The following IGFN1 variants were observed in gnomAD, a reference collection of about 807,000 sequenced individuals.
IGFN1 encodes the protein immunoglobulin-like and fibronectin type III domain-containing protein 1.
In IGFN1, 253 loss-of-function variants were observed where a neutral mutation model predicts 289.5. That is an observed-to-expected ratio of 0.87 (90% CI 0.79 to 0.97). The LOEUF is 0.97. Among genes scored for constraint, IGFN1 ranks in the 50% least tolerant of loss-of-function variants. IGFN1 has a pLI of 0.00. For synonymous variants in IGFN1, 1,706 were observed against 1,788.5 expected (o/e 0.95, Z 1.16); for missense variants, 4,470 against 4,686.1 (o/e 0.95, Z 1.35).
intron 19 of IGFN1, 106 bp downstream of exon 19, chr1:201,221,852 G>C (rs2102367433): frequency 2.2e-6 from 2 of 927,202 alleles, no homozygotes; most frequent in Non-Finnish European, 3.2e-6. Context: ...CCCACCCTCA[G>C]TTTCAGGAAG....
chr1:201,203,865 T>A lies in IGFN1; in HGVS notation c.875T>A (p.Val292Glu). The change falls in exon 10 of 24, where the codon GTG (valine) becomes GAG (glutamate). Residue 292 changes from valine to glutamate, a missense_variant. This residue lies in a region of IGFN1 where 2,011 missense variants were observed against 1,953.4 expected (regional missense o/e 1.03). Transcript: ENST00000335211. ...PEDSGIYQVK[V>E]EDAVVFSTEL... is the part of the protein sequence containing the mutation. ...GACTCTGGCATTTACCAGGTCAAGG[T>A]GGAGGATGCTGTGGTCTTCTCCACA... 1 of 1,551,522 alleles carries A rather than the reference T, an allele frequency of 6.4e-7. No homozygotes were observed. The highest frequency in any genetic ancestry group is 8.7e-7 in the Non-Finnish European group (1 of 1,146,962).
chr1:201,212,490 G>T lies in IGFN1; in HGVS notation c.7597G>T (p.Ala2533Ser). Residue 2533 changes from alanine (A) to serine (S), a missense_variant, in exon 12 of 24, where the codon GCA becomes TCA. Physicochemically the swap from Ala to Ser is moderately conservative, Grantham distance 99 (BLOSUM62 1). Around this residue, in one of 8 missense-constraint regions of IGFN1, gnomAD observed 2,218 missense variants for 2,114.1 expected, o/e 1.05. Transcript: ENST00000335211. ...TTCTGGGTTTCTTGATGGCAAGGGG[G>T]CAGTGGAAGGTGAGACCTGGGCAGG... ...GASGFLDGKG[A>S]VEGETWAGMA... 6.5e-7 allele frequency: 1 copy of T among 1,541,868 alleles called. No individual in the cohort carries two copies. Among genetic ancestry groups the T allele is most frequent in the South Asian group, 1.2e-5 (1 of 84,064 alleles).
At position 201,228,506 on chromosome 1, in the gene IGFN1, G is replaced by A. The variant is rs1294282862; in HGVS notation, c.*107G>A. Reference sequence around the variant, plus strand: ...GATGGAGGCTGTGCCCAGAGCCCCAGGAAAATGGGAGTGAGAAGATGCCTG... The same window carrying A: ...GATGGAGGCTGTGCCCAGAGCCCCAAGAAAATGGGAGTGAGAAGATGCCTG... On this transcript the variant is annotated 3_prime_UTR_variant, in exon 24 of 24. Transcript: ENST00000335211. 8.1e-7 allele frequency: 1 copy of A among 1,236,286 alleles called. No homozygotes were observed. Among genetic ancestry groups the A allele is most frequent in the Non-Finnish European group, 1.2e-6 (1 of 837,246 alleles). The allele number at this position is 1,236,286 out of a possible 1,614,324, so 76.6% of individuals were successfully genotyped here. A position where few individuals can be genotyped will look rare whatever the true frequency, so the allele number is the denominator to read the frequency against.
chr1:201,193,703 C>T (rs1016338690), intron 2 of IGFN1, among the ~76,000 whole-genome samples: 3 of 152,290 alleles, frequency 2.0e-5, no homozygotes, highest in East Asian at 1.9e-4. Flanking sequence ...CTGCCCACCT[C>T]GGCCTCCGAA....
At chr1:201,193,394 G>A (rs903787490) in intron 2 of IGFN1, 94 bp downstream of exon 2, 2 of 848,168 alleles carry the variant, frequency 2.4e-6, no homozygotes, top group Admixed American at 5.4e-5. Flanking sequence ...AGATTTCTGG[G>A]AACTTGCCCA....
chr1:201,206,387 C>T lies in IGFN1; in HGVS notation c.1494C>T (p.Ser498=). The stretch of plus-strand genomic sequence containing the variant: ...AGGGCTTTCCAGTAGCAGAGGGAAG[C>T]AGAGCCACTCTTCCCAGGGAAAATC... ...EGEGFPVAEG[S]RATLPRENQS... The change falls in exon 12 of 24, where the codon AGC becomes AGT. Residue 498 remains serine, a synonymous_variant. Transcript: ENST00000335211. 6.4e-7 allele frequency: 1 copy of T among 1,550,712 alleles called. No homozygotes were observed. The highest frequency in any genetic ancestry group is 8.7e-7 in the Non-Finnish European group (1 of 1,146,992).
chr1:201,215,652 G>C lies in IGFN1; in HGVS notation c.9109G>C (p.Ala3037Pro). The C allele has an allele frequency of 6.2e-7, 1 of 1,614,052 alleles. No individual in the cohort carries two copies. The highest frequency in any genetic ancestry group is 8.5e-7 in the Non-Finnish European group (1 of 1,180,000). Reference protein sequence around the residue: ...IPFQSHLPIQAAWRKDGAEVV... With the variant: ...IPFQSHLPIQPAWRKDGAEVV... ...CTTCCAGAGCCACCTCCCCATTCAG[G>C]CTGCCTGGAGGAAGGACGGGGCTGA... is the stretch of plus-strand genomic sequence containing the variant. Residue 3037 changes from alanine to proline, a missense_variant, in exon 15 of 24, where the codon GCT (alanine) becomes CCT (proline). Ala to Pro is a conservative substitution (Grantham distance 27). Coordinates refer to ENST00000335211, the MANE Select transcript of IGFN1 (RefSeq NM_001164586.2).
rs1667724614 is a variant in IGFN1 at position 201,210,824 on chromosome 1, G to A, written c.5931G>A (p.Lys1977=). Residue 1977 remains lysine (K), a synonymous_variant, in exon 12 of 24, where the codon AAG becomes AAA. Transcript: ENST00000335211. The stretch of plus-strand genomic sequence containing the variant: ...CTAAGGGAATGGGTTCAGGGAGTAA[G>A]GAAGGTTTCAGGGATGGTTTAGGGG... ...GAPKGMGSGS[K]EGFRDGLGGS... is the part of the protein sequence containing the mutation. 12 of 1,534,756 alleles carry A rather than the reference G, an allele frequency of 7.8e-6. No homozygotes were observed. Among genetic ancestry groups the A allele is most frequent in the Non-Finnish European group, 7.0e-6 (8 of 1,146,292 alleles).
At chr1:201,203,707 G>C (rs1667263338) in intron 9 of IGFN1, 31 bp from the exon 10 acceptor site, 1 of 1,548,818 alleles carries the variant, frequency 6.5e-7, no homozygotes, top group Non-Finnish European at 8.7e-7. Flanking sequence ...GACCCACTGA[G>C]GCCCGCCTCC....
chr1:201,208,187 G>C lies in IGFN1; in HGVS notation c.3294G>C (p.Glu1098Asp). ...RGGLKAPGVVETVGMGCVEAE... is the reference protein window; with the variant it reads ...RGGLKAPGVVDTVGMGCVEAE... ...GTCTCAAGGCCCCTGGAGTAGTGGA[G>C]ACTGTTGGGATGGGATGTGTGGAAG... The change falls in exon 12 of 24, where the codon GAG becomes GAC. Residue 1098 changes from glutamate (E) to aspartate (D), a missense_variant. Glu to Asp is a conservative substitution (Grantham distance 45, BLOSUM62 2). This residue lies in a region of IGFN1 where 2,011 missense variants were observed against 1,953.4 expected (regional missense o/e 1.03). Transcript: ENST00000335211. 1 of 1,536,994 alleles carries C rather than the reference G, an allele frequency of 6.5e-7. No homozygotes were observed. Among genetic ancestry groups the C allele is most frequent in the Non-Finnish European group, 8.7e-7 (1 of 1,146,830 alleles).
At chr1:201,204,592 A>G (rs1667316644) in intron 10 of IGFN1, among the ~76,000 whole-genome samples, 1 of 152,230 alleles carries the variant, frequency 6.6e-6, no homozygotes, top group South Asian at 2.1e-4. Flanking sequence ...GGAAAGCCTG[A>G]AAACAGTGCA....
chr1:201,226,818 C>T (rs545048290), intron 22 of IGFN1, 64 bp from the exon 23 acceptor site: 67 of 1,279,028 alleles, frequency 5.2e-5, no homozygotes, highest in Non-Finnish European at 6.6e-5. Context: ...TTACCCAGAC[C>T]CGGGTCTCAG....
intron 7 of IGFN1, 121 bp downstream of exon 7, chr1:201,199,775 G>A: frequency 2.6e-6 from 2 of 777,334 alleles, no homozygotes; most frequent in South Asian, 1.8e-5. Context: ...GAGCTAGACT[G>A]CCAGTAGCAG....
chr1:201,204,539 G>A (rs940858953), intron 10 of IGFN1, among the ~76,000 whole-genome samples: 2 of 152,192 alleles, frequency 1.3e-5, no homozygotes, highest in Admixed American at 6.5e-5. Context: ...GAAAAAAGGG[G>A]GTTATGTGCC....
In IGFN1 at chr1:201,207,727, T is replaced by G. The variant is rs1011489417; in HGVS notation, c.2834T>G (p.Leu945Trp). The G allele has an allele frequency of 2.6e-6, 4 of 1,536,818 alleles. No homozygotes were observed. The highest frequency in any genetic ancestry group is 2.6e-6 in the Non-Finnish European group (3 of 1,146,840). ...PRGETGYKDG[L>W]EGPGRMESRY... ...GGTGAGACAGGCTATAAGGATGGCTTGGAAGGTCCCGGGAGAATGGAATCT... is the reference window on the plus strand; with the variant it reads ...GGTGAGACAGGCTATAAGGATGGCTGGGAAGGTCCCGGGAGAATGGAATCT... Residue 945 changes from leucine (L) to tryptophan (W), a missense_variant, in exon 12 of 24, where the codon TTG becomes TGG. Around this residue, in one of 8 missense-constraint regions of IGFN1, gnomAD observed 2,011 missense variants for 1,953.4 expected, o/e 1.03. Transcript: ENST00000335211.
rs554533646 is a variant in IGFN1 at position 201,207,412 on chromosome 1, G to C, written c.2519G>C (p.Trp840Ser). 3.3e-6 allele frequency: 5 copies of C among 1,533,980 alleles called. No homozygotes were observed. The South Asian group carries it at 6.0e-5, about 18-fold the overall frequency. ...GRIESKGTSP[W>S]DDTPSSLRKT... ...ATAGAATCTAAGGGCACAAGTCCTT[G>C]GGATGACACACCATCTAGCCTCAGA... The change falls in exon 12 of 24, where the codon TGG becomes TCG. Residue 840 changes from tryptophan (W) to serine (S), a missense_variant. This residue lies in a region of IGFN1 where 2,011 missense variants were observed against 1,953.4 expected (regional missense o/e 1.03). Coordinates refer to ENST00000335211, the MANE Select transcript of IGFN1 (RefSeq NM_001164586.2).
rs1183878259 is a variant in IGFN1 at position 201,208,703 on chromosome 1, T to C, written c.3810T>C (p.Cys1270=). The change falls in exon 12 of 24, where the codon TGT becomes TGC. Residue 1270 remains cysteine, a synonymous_variant. Coordinates refer to ENST00000335211, the MANE Select transcript of IGFN1 (RefSeq NM_001164586.2). ...QGMGSADGPG[C]RKGIGSSGEM... ...TGGGATCAGCAGATGGGCCAGGTTGTAGGAAGGGTATTGGGAGTTCTGGGG... is the reference window on the plus strand; with the variant it reads ...TGGGATCAGCAGATGGGCCAGGTTGCAGGAAGGGTATTGGGAGTTCTGGGG... 2.0e-6 allele frequency: 3 copies of C among 1,536,824 alleles called. No individual in the cohort carries two copies. Among genetic ancestry groups the C allele is most frequent in the Non-Finnish European group, 2.6e-6 (3 of 1,146,754 alleles).
Position 201,201,790 on chromosome 1 carries a change from G to C in IGFN1, c.705G>C (p.Glu235Asp), listed in dbSNP as rs1191456730. ...TKDGNAKFDL[E>D]LDLKDSQSKI... The stretch of plus-strand genomic sequence containing the variant: ...ATGGGAATGCAAAGTTTGACTTGGA[G>C]CTGGATCTCAAGGATTCTCAGAGCA... The change falls in exon 9 of 24, where the codon GAG becomes GAC. Residue 235 changes from glutamate to aspartate, a missense_variant. Transcript: ENST00000335211. 3.3e-5 allele frequency: 51 copies of C among 1,549,624 alleles called. No homozygotes were observed. Among genetic ancestry groups the C allele is most frequent in the Non-Finnish European group, 4.3e-5 (49 of 1,145,010 alleles).
At chr1:201,191,979 T>A (rs1052176623) in intron 1 of IGFN1, among the ~76,000 whole-genome samples, 8 of 120,376 alleles carry the variant, frequency 6.6e-5, no homozygotes, top group Non-Finnish European at 1.3e-4. Flanking sequence ...GAGGCTGCAC[T>A]GAGGGGTGGG....
Sources: gnomAD v4.1 joint callset for allele counts (sites outside exome capture counted in the v4.1 genomes callset) on GRCh38, gnomAD v4.1.1 for gene constraint, gnomAD v4.1.1 regional missense constraint, MANE v1.5 for transcripts, NCBI Gene and HGNC (gene_info 2026-07-23, HGNC 2026-07-21) for gene names.